Variants in RBFOX1 observed in about 807,000 individuals in gnomAD.
RBFOX1 encodes the protein RNA binding protein fox-1 homolog 1.
In RBFOX1, 8 loss-of-function variants were observed where a neutral mutation model predicts 57.7. The observed-to-expected ratio is 0.14, with a 90% confidence interval of 0.08 to 0.25. The LOEUF (loss-of-function observed/expected upper bound fraction) is 0.25. RBFOX1 is among the 10% of genes least tolerant of loss of function. The pLI is 1.00. For synonymous variants in RBFOX1, 326 were observed against 222.4 expected (o/e 1.47, Z -4.15); for missense variants, 611 against 548.5 (o/e 1.11, Z -1.14).
intron 3 of RBFOX1, among the ~76,000 whole-genome samples, chr16:6,766,044 G>T (rs568787772): frequency 8.5e-5 from 13 of 152,098 alleles, no homozygotes; most frequent in African/African-American, 2.9e-4. Flanking sequence ...CTACTCGGGT[G>T]GCAGGTGCAC....
intron 4 of RBFOX1, among the ~76,000 whole-genome samples, chr16:7,323,930 G>GGAT (rs56007739): frequency 0.23 from 34,921 of 151,946 alleles, 4,227 homozygotes; most frequent in African/African-American, 0.3. Context: ...ACGGATGGGT[G>GGAT]GATGATGAGT....
chr16:7,015,621 T>C (rs2093872904), intron 3 of RBFOX1, among the ~76,000 whole-genome samples: 1 of 152,214 alleles, frequency 6.6e-6, no homozygotes, highest in Non-Finnish European at 1.5e-5. Context: ...ACACCATTTG[T>C]GGTTCATCTC....
intron 1 of RBFOX1, among the ~76,000 whole-genome samples, chr16:6,255,388 C>T (rs190432081): frequency 2.6e-4 from 39 of 152,152 alleles, no homozygotes; most frequent in African/African-American, 8.2e-4. Flanking sequence ...GTATTTTGCT[C>T]GGCCAAGAGG....
chr16:7,145,886 G>C lies in RBFOX1; in HGVS notation c.27+93788G>C, dbSNP rs146993293. 2.6e-3 allele frequency among the ~76,000 whole-genome samples: 389 copies of C among 152,164 alleles called. 4 individuals are homozygous for C. Among genetic ancestry groups the C allele is most frequent in the African/African-American group, 8.6e-3 (357 of 41,508 alleles). On this transcript the variant is annotated intron_variant, in intron 4 of 15. Coordinates refer to ENST00000550418, the MANE Select transcript of RBFOX1 (RefSeq NM_018723.4). ...CTTCATATACAGCCTAGTTCTCTGA[G>C]GTTCCCATCCCCTCAAGTCCATGAC...
At chr16:5,721,261 G>A (rs976852280) in intron 3 of RBFOX1, among the ~76,000 whole-genome samples, 3 of 152,108 alleles carry the variant, frequency 2.0e-5, no homozygotes, top group Non-Finnish European at 2.9e-5. Context: ...TTCATTACTA[G>A]TGTGAAGGAA....
chr16:7,220,437 A>G (rs748333057), intron 4 of RBFOX1, among the ~76,000 whole-genome samples: 6 of 152,340 alleles, frequency 3.9e-5, no homozygotes, highest in Admixed American at 6.5e-5. Flanking sequence ...AAAAGTGTTC[A>G]TAGGAACCTA....
At chr16:7,482,826 G>A (rs1390131099) in intron 4 of RBFOX1, among the ~76,000 whole-genome samples, 1 of 152,088 alleles carries the variant, frequency 6.6e-6, no homozygotes, top group East Asian at 1.9e-4. Flanking sequence ...GGGATGTTCT[G>A]TCCCCAAATC....
At chr16:6,756,646 T>C (rs1177762238) in intron 3 of RBFOX1, among the ~76,000 whole-genome samples, 1 of 152,020 alleles carries the variant, frequency 6.6e-6, no homozygotes, top group African/African-American at 2.4e-5. Flanking sequence ...CATTTAAAAA[T>C]GGGCAAAGGA....
In RBFOX1 at chr16:6,678,964, G is replaced by C. The variant is rs375142320; in HGVS notation, c.-16+24314G>C. ...GCATTCAGTATAATTGAATCATACA[G>C]TGAGACTCTAATTTCTTTCTCAAAT... is the stretch of plus-strand genomic sequence containing the variant. On this transcript the variant is annotated intron_variant, in intron 3 of 15. Coordinates refer to ENST00000550418, the MANE Select transcript of RBFOX1 (RefSeq NM_018723.4). 8.5e-5 allele frequency among the ~76,000 whole-genome samples: 13 copies of C among 152,236 alleles called. No homozygotes were observed. In the South Asian group the frequency reaches 2.7e-3, roughly 32 times the overall value.
chr16:5,651,949 A>C (rs777732757), intron 3 of RBFOX1, among the ~76,000 whole-genome samples: 18 of 152,268 alleles, frequency 1.2e-4, no homozygotes, highest in African/African-American at 4.3e-4. Flanking sequence ...CCTGGCCAAC[A>C]TGGAGAAACC....
At chr16:6,826,666 C>G (rs989618916) in intron 3 of RBFOX1, among the ~76,000 whole-genome samples, 4 of 151,960 alleles carry the variant, frequency 2.6e-5, no homozygotes, top group African/African-American at 9.7e-5. Context: ...TTGTTTGCTA[C>G]CAGCCTAAGA....
At chr16:6,456,492 A>G (rs1400496268) in intron 2 of RBFOX1, among the ~76,000 whole-genome samples, 1 of 152,168 alleles carries the variant, frequency 6.6e-6, no homozygotes, top group Non-Finnish European at 1.5e-5. Context: ...CAGTCAATGA[A>G]CCTAGAGACC....
intron 2 of RBFOX1, among the ~76,000 whole-genome samples, chr16:6,361,954 A>T (rs1319119129): frequency 1.3e-5 from 2 of 151,852 alleles, no homozygotes; most frequent in Non-Finnish European, 2.9e-5. Context: ...TCCCTGTGTG[A>T]TATACACTGT....
At chr16:7,200,245 C>T (rs189605034) in intron 4 of RBFOX1, among the ~76,000 whole-genome samples, 56 of 152,226 alleles carry the variant, frequency 3.7e-4, no homozygotes, top group Non-Finnish European at 6.9e-4. Flanking sequence ...AAGGATGATA[C>T]TGTGGTTCTG....
chr16:6,977,568 G>A (rs1358809275), intron 3 of RBFOX1, among the ~76,000 whole-genome samples: 1 of 151,988 alleles, frequency 6.6e-6, no homozygotes, highest in Non-Finnish European at 1.5e-5. Context: ...TTGGACACAC[G>A]TCTGTGGTTC....
chr16:6,864,091 A>T (rs1181177965), intron 3 of RBFOX1, among the ~76,000 whole-genome samples: 2 of 151,988 alleles, frequency 1.3e-5, no homozygotes, highest in African/African-American at 4.8e-5. Flanking sequence ...TAGCAGAAAA[A>T]ATAAAAGTGA....
At chr16:5,761,205 G>C (rs2053578223) in intron 3 of RBFOX1, among the ~76,000 whole-genome samples, 1 of 152,146 alleles carries the variant, frequency 6.6e-6, no homozygotes, top group African/African-American at 2.4e-5. Flanking sequence ...TTTATTTTGT[G>C]ACATGGTGAT....
chr16:5,537,071 T>C (rs2044729806), intron 2 of RBFOX1, among the ~76,000 whole-genome samples: 3 of 152,194 alleles, frequency 2.0e-5, no homozygotes, highest in Admixed American at 2.0e-4. Flanking sequence ...GAAGCATCCT[T>C]AGTGTCCATG....
chr16:6,453,336 C>T (rs146018696), intron 2 of RBFOX1, among the ~76,000 whole-genome samples: 172 of 152,160 alleles, frequency 1.1e-3, no homozygotes, highest in African/African-American at 3.7e-3. Context: ...TTATTCAACT[C>T]GTATTTATGA....
Sources: gnomAD v4.1 joint callset for allele counts (sites outside exome capture counted in the v4.1 genomes callset) on GRCh38, gnomAD v4.1.1 for gene constraint, MANE v1.5 for transcripts, NCBI Gene and HGNC (gene_info 2026-07-23, HGNC 2026-07-21) for gene names.